The following CNTNAP3B variants were observed in gnomAD, a reference collection of about 807,000 sequenced individuals.
The protein encoded by CNTNAP3B is contactin-associated protein-like 3B.
In CNTNAP3B, 25 loss-of-function variants were observed where a neutral mutation model predicts 108.9. That is an observed-to-expected ratio of 0.23 (90% confidence interval 0.17 to 0.32). The LOEUF (loss-of-function observed/expected upper bound fraction) is 0.32, where lower values mean the gene tolerates loss of function less well. Ranked by LOEUF, CNTNAP3B falls within the 10% of genes least tolerant of loss-of-function variation. CNTNAP3B has a pLI of 1.00. For synonymous variants in CNTNAP3B, 103 were observed against 473.4 expected, an observed-to-expected ratio of 0.22 and a Z score of 10.16; for missense variants, 252 against 1,210.4, an observed-to-expected ratio of 0.21 and a Z score of 11.75.
chr9:42,056,537 A>G (rs1460304866), intron 3 of CNTNAP3B, among the ~76,000 whole-genome samples: 1 of 137,158 alleles, frequency 7.3e-6, no homozygotes, highest in Non-Finnish European at 1.6e-5. Flanking sequence ...TTTTTAGTAG[A>G]GGTGGGGTTT....
intron 3 of CNTNAP3B, among the ~76,000 whole-genome samples, chr9:42,024,829 G>A (rs1826388650): frequency 6.9e-6 from 1 of 144,794 alleles, no homozygotes; most frequent in African/African-American, 2.6e-5. Context: ...CAGTTTCTCA[G>A]GAGAAAAATC....
At chr9:41,928,535 G>C (rs1252498345) in intron 15 of CNTNAP3B, among the ~76,000 whole-genome samples, 1 of 152,192 alleles carries the variant, frequency 6.6e-6, no homozygotes, top group Admixed American at 6.5e-5. Context: ...TGGTATTAGG[G>C]GATGGAGACA....
At chr9:42,015,682 T>A (rs1242495422) in intron 3 of CNTNAP3B, among the ~76,000 whole-genome samples, 1 of 17,862 alleles carries the variant, frequency 5.6e-5, no homozygotes. Flanking sequence ...TTGGTAGAGA[T>A]GGTTGATCCA....
At chr9:41,963,014 AC>A (rs1347195280) in intron 11 of CNTNAP3B, among the ~76,000 whole-genome samples, 2 of 152,138 alleles carry the variant, frequency 1.3e-5, no homozygotes, top group Non-Finnish European at 1.5e-5. Context: ...ATAAACAGGG[AC>A]CCTTCTAGTA....
chr9:41,921,118 C>T (rs1823656306), intron 17 of CNTNAP3B, among the ~76,000 whole-genome samples: 1 of 152,308 alleles, frequency 6.6e-6, no homozygotes, highest in South Asian at 2.1e-4. Flanking sequence ...GGTGGGGGCC[C>T]CAAATCTGAA....
chr9:42,088,995 T>A (rs1240452651), intron 2 of CNTNAP3B, among the ~76,000 whole-genome samples: 1 of 126,364 alleles, frequency 7.9e-6, no homozygotes, highest in African/African-American at 3.3e-5. Context: ...GGTGGGCGAA[T>A]CCCCTGAGGC....
chr9:42,081,613 TA>T (rs1305175837), intron 2 of CNTNAP3B, among the ~76,000 whole-genome samples: 3 of 106,924 alleles, frequency 2.8e-5, no homozygotes, highest in African/African-American at 4.2e-5. Context: ...ATATTATTTT[TA>T]AAATCAGCTA....
chr9:42,120,684 A>C (rs1828442443), intron 1 of CNTNAP3B, among the ~76,000 whole-genome samples: 1 of 136,772 alleles, frequency 7.3e-6, no homozygotes. Context: ...GACATGGGTG[A>C]AGCTGGAAAC....
chr9:42,062,512 G>A (rs1486228105), intron 3 of CNTNAP3B, among the ~76,000 whole-genome samples: 3 of 89,698 alleles, frequency 3.3e-5, no homozygotes, highest in Non-Finnish European at 6.6e-5. Flanking sequence ...TAAGTGAAGC[G>A]AGCTCCCTGT....
chr9:41,937,104 T>C (rs1165854984), intron 14 of CNTNAP3B, among the ~76,000 whole-genome samples: 1 of 129,088 alleles, frequency 7.7e-6, no homozygotes, highest in Non-Finnish European at 1.6e-5. Context: ...TTACATTTTT[T>C]ATTTATTAAT....
intron 11 of CNTNAP3B, among the ~76,000 whole-genome samples, chr9:41,961,841 G>A (rs536428009): frequency 2.0e-4 from 31 of 152,394 alleles, no homozygotes; most frequent in African/African-American, 6.0e-4. Flanking sequence ...GCAAGTAAAT[G>A]TTTTACCAAG....
At chr9:42,030,699 C>T (rs1394943913) in intron 3 of CNTNAP3B, among the ~76,000 whole-genome samples, 1 of 95,934 alleles carries the variant, frequency 1.0e-5, no homozygotes, top group African/African-American at 4.6e-5. Context: ...ACCACCCTTC[C>T]CCCACCTGCA....
intron 2 of CNTNAP3B, among the ~76,000 whole-genome samples, chr9:42,098,171 ACCATTTTCT>A (rs1402544802): frequency 7.2e-6 from 1 of 138,762 alleles, no homozygotes. Flanking sequence ...GCAACTTTTG[ACCATTTTCT>A]CTGTGTGTGT....
intron 15 of CNTNAP3B, among the ~76,000 whole-genome samples, chr9:41,927,649 G>A (rs1361463727): frequency 6.8e-4 from 103 of 151,336 alleles, no homozygotes; most frequent in African/African-American, 2.2e-3. Flanking sequence ...TTCACACTAT[G>A]GGAATAATAT....
chr9:41,939,913 G>T (rs1824282189), intron 13 of CNTNAP3B, among the ~76,000 whole-genome samples: 2 of 151,984 alleles, frequency 1.3e-5, no homozygotes, highest in South Asian at 4.2e-4. Flanking sequence ...CAACCGAAGA[G>T]AATTCTGAAA....
intron 15 of CNTNAP3B, among the ~76,000 whole-genome samples, chr9:41,928,340 C>T (rs1251176740): frequency 5.9e-5 from 9 of 152,068 alleles, no homozygotes; most frequent in South Asian, 2.1e-4. Flanking sequence ...CAGGTGGATG[C>T]TACACACACA....
intron 13 of CNTNAP3B, among the ~76,000 whole-genome samples, chr9:41,941,830 A>ACGCC (rs1230738131): frequency 6.6e-6 from 1 of 151,286 alleles, no homozygotes; most frequent in African/African-American, 2.4e-5. Context: ...AGTGGGGGAT[A>ACGCC]CGCCTTAGAG....
Position 42,063,318 on chromosome 9 carries a change from G to A in CNTNAP3B, c.390+13551C>T, listed in dbSNP as rs1001883682. On this transcript the variant is annotated intron_variant, in intron 3 of 23. Transcript: ENST00000377561. ...AGAAGAGCTTTGCTGTGTATTCTTGGTTGACAGTTTTTGTTATGTTTTGTT... is the reference window on the plus strand; with the variant it reads ...AGAAGAGCTTTGCTGTGTATTCTTGATTGACAGTTTTTGTTATGTTTTGTT... Among the ~76,000 whole-genome samples, 4 of 130,244 alleles carry A rather than the reference G, an allele frequency of 3.1e-5. 1 individual carries two copies. Among genetic ancestry groups the A allele is most frequent in the African/African-American group, 1.2e-4 (4 of 32,176 alleles). The allele number at this position is 130,244 out of a possible 152,430, so 85.4% of individuals were successfully genotyped here.
At chr9:42,044,374 G>T (rs1225241983) in intron 3 of CNTNAP3B, among the ~76,000 whole-genome samples, 1 of 150,496 alleles carries the variant, frequency 6.6e-6, no homozygotes, top group South Asian at 2.1e-4. Flanking sequence ...TTTCTCTCAA[G>T]GTATCACCTC....
Sources: gnomAD v4.1 joint callset for allele counts (sites outside exome capture counted in the v4.1 genomes callset) on GRCh38, gnomAD v4.1.1 for gene constraint, MANE v1.5 for transcripts, NCBI Gene and HGNC (gene_info 2026-07-23, HGNC 2026-07-21) for gene names.